The following ABHD3 variants were observed in gnomAD, a reference collection of about 807,000 sequenced individuals.
ABHD3 encodes the protein abhydrolase domain containing 3, phospholipase.
A neutral mutation model predicts 48.8 loss-of-function variants in ABHD3; 46 were observed. The ratio of observed to expected loss-of-function variants is 0.94; its 90% CI spans 0.74 to 1.20. The LOEUF (loss-of-function observed/expected upper bound fraction) is 1.20. ABHD3 is among the 50% of genes most tolerant of loss of function. The probability of loss-of-function intolerance (pLI) is 0.00; values close to 1 mark genes in which losing one functional copy is unlikely to be tolerated. For synonymous variants in ABHD3, 192 were observed against 183.7 expected (o/e 1.04, Z -0.36); for missense variants, 490 against 497.8 (o/e 0.98, Z 0.15).
chr18:21,659,407 C>G (rs2039432870), intron 5 of ABHD3, 64 bp from the exon 6 acceptor site: 1 of 1,489,798 alleles, frequency 6.7e-7, no homozygotes, highest in African/African-American at 1.4e-5. Context: ...ACATCCATTT[C>G]TAACTACAGA....
At chr18:21,703,827 T>C (rs1351397689) in intron 1 of ABHD3, 80 bp from the exon 2 acceptor site, 8 of 1,506,996 alleles carry the variant, frequency 5.3e-6, no homozygotes, top group Middle Eastern at 2.3e-4. Flanking sequence ...CAAAGACTTG[T>C]CGCTCGCGCG....
intron 3 of ABHD3, chr18:21,701,628 A>T (rs1217791349): frequency 6.8e-6 from 1 of 147,888 alleles, no homozygotes; most frequent in East Asian, 1.9e-4. Flanking sequence ...ATTATCAGCT[A>T]AAAAAAAAAG....
At chr18:21,696,592 T>C (rs2040375425) in intron 3 of ABHD3, among the ~76,000 whole-genome samples, 1 of 152,238 alleles carries the variant, frequency 6.6e-6, no homozygotes, top group Admixed American at 6.5e-5. Context: ...TGGTAAAGTT[T>C]CTAACTACTT....
chr18:21,683,369 C>T (rs1243230440), intron 4 of ABHD3: 3 of 252,296 alleles, frequency 1.2e-5, no homozygotes, highest in African/African-American at 7.0e-5. Context: ...CAATAACATT[C>T]CCACCATGTA....
At chr18:21,702,535 T>A (rs375991969) in intron 2 of ABHD3, 37 bp from the exon 3 acceptor site, 1 of 1,453,358 alleles carries the variant, frequency 6.9e-7, no homozygotes, top group Non-Finnish European at 9.1e-7. Flanking sequence ...ACTATTTACA[T>A]GTTTTAAGTC....
At chr18:21,660,619 A>C (rs1254213821) in intron 5 of ABHD3, among the ~76,000 whole-genome samples, 1 of 152,252 alleles carries the variant, frequency 6.6e-6, no homozygotes, top group East Asian at 1.9e-4. Context: ...GATTTCTTCA[A>C]TTGTCCATGT....
chr18:21,656,686 T>C (rs2039358324), intron 8 of ABHD3, among the ~76,000 whole-genome samples, 175 bp downstream of exon 8: 1 of 152,180 alleles, frequency 6.6e-6, no homozygotes, highest in African/African-American at 2.4e-5. Context: ...ATGGACTAGA[T>C]AAGGGTCTGT....
intron 8 of ABHD3, among the ~76,000 whole-genome samples, chr18:21,652,812 TGGGAGGCTGAGG>T (rs1344378608): frequency 1.3e-5 from 2 of 151,412 alleles, no homozygotes; most frequent in African/African-American, 4.9e-5. Context: ...CCCAGCACTT[TGGGAGGCTGAGG>T]CAGGTGGATG....
chr18:21,703,447 CTTCCATTTTCATTCCCT>C (rs2040560759), intron 2 of ABHD3, 120 bp downstream of exon 2: 1 of 1,059,780 alleles, frequency 9.4e-7, no homozygotes, highest in African/African-American at 1.6e-5. Context: ...GGGGACGTAC[CTTCCATTTTCATTCCCT>C]CTTTCTGTTC....
chr18:21,694,058 T>C (rs994228230), intron 3 of ABHD3, among the ~76,000 whole-genome samples: 11 of 152,176 alleles, frequency 7.2e-5, no homozygotes, highest in Admixed American at 4.6e-4. Context: ...TGACATTTAC[T>C]TGCTACTTCC....
At position 21,664,147 on chromosome 18, in the gene ABHD3, A is replaced by G; in HGVS notation, c.639T>C (p.Pro213=). 1 of 1,613,028 alleles carries G rather than the reference A, an allele frequency of 6.2e-7. No individual in the cohort carries two copies. ...CCATTGAAACCCCTGCTGCCAGGAAAGGAGCAGAAGGGTACAGGCTGTGTA... is the reference window on the plus strand; with the variant it reads ...CCATTGAAACCCCTGCTGCCAGGAAGGGAGCAGAAGGGTACAGGCTGTGTA... The part of the protein sequence containing the change: ...HHVHSLYPSA[P]FLAAGVSMGG... Residue 213 remains proline, a synonymous_variant, in exon 5 of 9, where the codon CCT becomes CCC. Transcript: ENST00000289119.
chr18:21,682,428 C>G (rs1272407134), intron 4 of ABHD3: 1 of 152,396 alleles, frequency 6.6e-6, no homozygotes, highest in East Asian at 1.9e-4. Context: ...CCCACCTCCC[C>G]CAGGCGCTTT....
chr18:21,687,666 A>C (rs1436632114), intron 3 of ABHD3, among the ~76,000 whole-genome samples: 1 of 152,220 alleles, frequency 6.6e-6, no homozygotes, highest in Non-Finnish European at 1.5e-5. Flanking sequence ...AACAAGGAAA[A>C]CATAAAGAGA....
At chr18:21,678,032 T>C (rs1228324076) in intron 4 of ABHD3, among the ~76,000 whole-genome samples, 1 of 152,042 alleles carries the variant, frequency 6.6e-6, no homozygotes, top group Non-Finnish European at 1.5e-5. Flanking sequence ...CACAGCTCAC[T>C]GCAGCCTCAA....
intron 4 of ABHD3, among the ~76,000 whole-genome samples, chr18:21,666,979 C>T (rs1254486743): frequency 6.6e-6 from 1 of 152,150 alleles, no homozygotes; most frequent in Non-Finnish European, 1.5e-5. Context: ...TAGTTATCTA[C>T]ACCACCCAAT....
At chr18:21,656,245 G>A (rs906688894) in intron 8 of ABHD3, among the ~76,000 whole-genome samples, 2 of 152,110 alleles carry the variant, frequency 1.3e-5, no homozygotes, top group African/African-American at 4.8e-5. Flanking sequence ...CATGATCATA[G>A]CTCATTGCAG....
At chr18:21,664,737 C>T (rs1403494294) in intron 4 of ABHD3, among the ~76,000 whole-genome samples, 1 of 151,948 alleles carries the variant, frequency 6.6e-6, no homozygotes, top group Non-Finnish European at 1.5e-5. Flanking sequence ...CTCAAGCAAT[C>T]CTCTGACCTT....
At chr18:21,680,826 T>A (rs2039987451) in intron 4 of ABHD3, among the ~76,000 whole-genome samples, 1 of 151,510 alleles carries the variant, frequency 6.6e-6, no homozygotes, top group Non-Finnish European at 1.5e-5. Context: ...TCCTTCCTAT[T>A]TGTTGTTTCT....
At chr18:21,660,969 G>T (rs549277432) in intron 5 of ABHD3, among the ~76,000 whole-genome samples, 46 of 152,012 alleles carry the variant, frequency 3.0e-4, no homozygotes, top group African/African-American at 1.1e-3. Context: ...AAGTAGATAT[G>T]ACCAAGCAGG....
Sources: allele counts gnomAD v4.1 joint callset (sites outside exome capture counted in the v4.1 genomes callset), GRCh38; gene constraint gnomAD v4.1.1; transcripts MANE v1.5; gene names NCBI Gene and HGNC (gene_info 2026-07-23, HGNC 2026-07-21).